The following NEXMIF variants were observed in gnomAD, a reference collection of about 807,000 sequenced individuals.
NEXMIF encodes the protein neurite extension and migration factor.
Under a neutral mutation model 62.1 loss-of-function variants are expected in NEXMIF, and 8 were observed. The ratio of observed to expected loss-of-function variants is 0.13; its 90% CI spans 0.08 to 0.23. The LOEUF is 0.23. Among genes scored for constraint, NEXMIF ranks in the 10% least tolerant of loss-of-function variants. The pLI, the probability that NEXMIF is intolerant of heterozygous loss-of-function variation, is 1.00. For missense variants in NEXMIF, 976 were observed against 1,113.3 expected (o/e 0.88, Z 1.75); for synonymous variants, 404 against 416.6 (o/e 0.97, Z 0.37).
chrX:74,800,187 C>T (rs1184729310), intron 1 of NEXMIF, among the ~76,000 whole-genome samples: 1 of 111,469 alleles, frequency 9.0e-6, no homozygotes, highest in Admixed American at 9.5e-5. Context: ...TTGCATGTAA[C>T]CTTGGGAAAC....
At chrX:74,740,024 A>T in intron 3 of NEXMIF, 76 bp downstream of exon 3, 1 of 972,045 alleles carries the variant, frequency 1.0e-6, no homozygotes. Context: ...AGAGGGAAAA[A>T]ATGAGGGACT....
chrX:74,792,392 C>G (rs1318385077), intron 1 of NEXMIF, among the ~76,000 whole-genome samples: 1 of 104,409 alleles, frequency 9.6e-6, no homozygotes. Context: ...GCTTTACTTC[C>G]AAGTATGTGG....
In NEXMIF at chrX:74,850,040, G is replaced by A. The variant is rs190446986; in HGVS notation, c.-48+74843C>T. Among the ~76,000 whole-genome samples the A allele has an allele frequency of 2.0e-4, 22 of 112,360 alleles. No individual in the cohort carries two copies. The Admixed American group carries it at 2.0e-3, about 10-fold the overall frequency. The stretch of plus-strand genomic sequence containing the variant: ...GCCAGTGCCCACACATATGACTGAG[G>A]ATTGAGGAAAGGATGACCTGGTCCA... On this transcript the variant is annotated intron_variant, in intron 1 of 3. Coordinates refer to ENST00000055682, the MANE Select transcript of NEXMIF (RefSeq NM_001008537.3).
At position 74,762,230 on chromosome X, in the gene NEXMIF, C is replaced by T. The variant is rs1454060660; in HGVS notation, c.-47-16533G>A. Among the ~76,000 whole-genome samples, 8 of 106,368 alleles carry T rather than the reference C, an allele frequency of 7.5e-5. No homozygotes were observed. In the East Asian group the frequency reaches 2.1e-3, roughly 28 times the overall value. 92.4% of individuals were successfully genotyped at this position (106,368 alleles called of 115,157 possible). A position where few individuals can be genotyped will look rare whatever the true frequency, so the allele number is the denominator to read the frequency against. On this transcript the variant is annotated intron_variant, in intron 1 of 3. Transcript: ENST00000055682. ...GAACATGCGGTGTTTGGTTTTTTGT[C>T]CTTGTGATAGTTTGCTCAGAATGGT... is the stretch of plus-strand genomic sequence containing the variant.
chrX:74,904,699 C>T (rs2080761115), intron 1 of NEXMIF, among the ~76,000 whole-genome samples: 1 of 110,237 alleles, frequency 9.1e-6, no homozygotes, highest in African/African-American at 3.3e-5. Context: ...GTTTCCTTTC[C>T]CTCTCTCCCT....
intron 1 of NEXMIF, among the ~76,000 whole-genome samples, chrX:74,871,873 T>C (rs2080602596): frequency 8.9e-6 from 1 of 111,783 alleles, no homozygotes; most frequent in Non-Finnish European, 1.9e-5. Context: ...AGATTTCATA[T>C]TGTTGAAACA....
In NEXMIF at chrX:74,816,413, A is replaced by T. The variant is rs55975456; in HGVS notation, c.-47-70716T>A. ...TCTAAGGTAAGTCTCTAAATAAAAA[A>T]TTGAAGCCCAGTAAATATAAAAAGA... is the stretch of plus-strand genomic sequence containing the variant. On this transcript the variant is annotated intron_variant, in intron 1 of 3. Transcript: ENST00000055682. Among the ~76,000 whole-genome samples the T allele has an allele frequency of 8.7e-3, 971 of 112,149 alleles. 6 individuals carry two copies. The highest frequency in any genetic ancestry group is 0.014 in the Non-Finnish European group (739 of 53,183).
chrX:74,803,920 C>A (rs1352075459), intron 1 of NEXMIF, among the ~76,000 whole-genome samples: 1 of 111,607 alleles, frequency 9.0e-6, no homozygotes, highest in African/African-American at 3.3e-5. Flanking sequence ...GGGAGTACTT[C>A]AATCAGAAAG....
chrX:74,795,658 A>G (rs1286629418), intron 1 of NEXMIF, among the ~76,000 whole-genome samples: 1 of 111,237 alleles, frequency 9.0e-6, no homozygotes, highest in Non-Finnish European at 1.9e-5. Context: ...TAGACCTGTA[A>G]TTTACAAAGA....
At chrX:74,883,045 T>C (rs2080673028) in intron 1 of NEXMIF, among the ~76,000 whole-genome samples, 3 of 111,193 alleles carry the variant, frequency 2.7e-5, no homozygotes, top group Non-Finnish European at 5.7e-5. Flanking sequence ...GGGTCTGGAG[T>C]AGACCTCCAG....
At chrX:74,859,388 C>T (rs980539479) in intron 1 of NEXMIF, among the ~76,000 whole-genome samples, 2 of 111,087 alleles carry the variant, frequency 1.8e-5, no homozygotes, top group African/African-American at 6.5e-5. Flanking sequence ...TAACTTTTAC[C>T]CTAAAATAGT....
chrX:74,906,274 TAA>T (rs749030844), intron 1 of NEXMIF, among the ~76,000 whole-genome samples: 10 of 96,132 alleles, frequency 1.0e-4, no homozygotes, highest in Non-Finnish European at 8.4e-5. Flanking sequence ...CCCCATCTCT[TAA>T]AAAAAAAAAA....
intron 1 of NEXMIF, among the ~76,000 whole-genome samples, chrX:74,862,859 G>C (rs190830323): frequency 1.8e-3 from 200 of 111,242 alleles, no homozygotes; most frequent in Middle Eastern, 9.3e-3. Context: ...GAAATTTATA[G>C]CACTATATGC....
rs768349209 is a variant in NEXMIF at position 74,884,188 on chromosome X, C to A, written c.-48+40695G>T. On this transcript the variant is annotated intron_variant, in intron 1 of 3. Transcript: ENST00000055682. The stretch of plus-strand genomic sequence containing the variant: ...AACAACCAGTACCAGCCACTGCAAA[C>A]ACATGCCAAATTGTAAAGACCACCC... Among the ~76,000 whole-genome samples the A allele has an allele frequency of 3.0e-3, 339 of 111,881 alleles. 1 individual carries two copies. The highest frequency in any genetic ancestry group is 1.0e-2 in the African/African-American group (307 of 30,779).
intron 1 of NEXMIF, among the ~76,000 whole-genome samples, chrX:74,809,681 G>A (rs1472227764): frequency 2.7e-5 from 3 of 111,422 alleles, no homozygotes; most frequent in Admixed American, 9.6e-5. Context: ...GGTTGAATTC[G>A]TGTTTCCTGA....
chrX:74,883,278 C>T (rs183590506), intron 1 of NEXMIF, among the ~76,000 whole-genome samples: 78 of 111,680 alleles, frequency 7.0e-4, no homozygotes, highest in Admixed American at 2.2e-3. Flanking sequence ...TCACCAGCAA[C>T]GGAAGAAGCT....
chrX:74,796,136 ATATATATTATATATATACATATATAT>A (rs1352653061), intron 1 of NEXMIF, among the ~76,000 whole-genome samples: 6 of 75,766 alleles, frequency 7.9e-5, no homozygotes, highest in African/African-American at 3.1e-4. Context: ...TATATATAAT[ATATATATTATATATATACATATATAT>A]TATATATATT....
At chrX:74,805,096 C>G (rs1465444920) in intron 1 of NEXMIF, among the ~76,000 whole-genome samples, 1 of 112,404 alleles carries the variant, frequency 8.9e-6, no homozygotes, top group African/African-American at 3.2e-5. Context: ...TTCTTCATGC[C>G]CCATGGCTGC....
chrX:74,907,345 CG>C (rs2080772813), intron 1 of NEXMIF, among the ~76,000 whole-genome samples: 1 of 74,336 alleles, frequency 1.3e-5, no homozygotes, highest in Non-Finnish European at 2.6e-5. Context: ...CCCCCCCCCC[CG>C]CCCCTTACCT....
Sources: allele counts gnomAD v4.1 joint callset (sites outside exome capture counted in the v4.1 genomes callset), GRCh38; gene constraint gnomAD v4.1.1; transcripts MANE v1.5; gene names NCBI Gene and HGNC (gene_info 2026-07-23, HGNC 2026-07-21).